NPNT: variants seen among roughly 807,000 people sequenced by gnomAD.
NPNT encodes preosteoblast EGF-like repeat protein with MAM domain.
A neutral mutation model predicts 68.6 loss-of-function variants in NPNT; 45 were observed. That is an observed-to-expected ratio of 0.66 (90% CI 0.52 to 0.84). The LOEUF (loss-of-function observed/expected upper bound fraction) is 0.84. Among genes scored for constraint, NPNT ranks in the 40% least tolerant of loss-of-function variants. The probability of loss-of-function intolerance (pLI) is 0.00; values close to 1 mark genes in which losing one functional copy is unlikely to be tolerated. For synonymous variants in NPNT, 233 were observed against 253.3 expected, an observed-to-expected ratio of 0.92 and a Z score of 0.76; for missense variants, 672 against 714.8, an observed-to-expected ratio of 0.94 and a Z score of 0.68.
chr4:105,896,069 T>G, intron 1 of NPNT: 1 of 296,764 alleles, frequency 3.4e-6, no homozygotes, highest in Non-Finnish European at 6.3e-6. Context: ...GCGCGAAACA[T>G]CCCTTACCCG....
chr4:105,920,769 C>T (rs541737007), intron 2 of NPNT, among the ~76,000 whole-genome samples: 95 of 152,162 alleles, frequency 6.2e-4, no homozygotes, highest in African/African-American at 2.2e-3. Flanking sequence ...GAGTTATTGA[C>T]AGCTCTTGGG....
intron 2 of NPNT, among the ~76,000 whole-genome samples, chr4:105,917,183 G>C (rs1355953738): frequency 6.6e-6 from 1 of 152,142 alleles, no homozygotes; most frequent in Non-Finnish European, 1.5e-5. Context: ...TATCAGTGGA[G>C]GACTGTTTCT....
intron 2 of NPNT, among the ~76,000 whole-genome samples, chr4:105,900,850 T>G (rs1330004396): frequency 6.6e-6 from 1 of 151,322 alleles, no homozygotes; most frequent in African/African-American, 2.4e-5. Flanking sequence ...TTTTTTTTTT[T>G]TTTTGATTCT....
intron 5 of NPNT, among the ~76,000 whole-genome samples, chr4:105,939,371 A>C (rs2149371861): frequency 6.6e-6 from 1 of 152,274 alleles, no homozygotes; most frequent in African/African-American, 2.4e-5. Context: ...TTTTTCAAGG[A>C]AGAAGGTCCA....
chr4:105,945,346 A>G (rs1446546676), intron 8 of NPNT, among the ~76,000 whole-genome samples: 1 of 152,018 alleles, frequency 6.6e-6, no homozygotes, highest in South Asian at 2.1e-4. Flanking sequence ...TTCAGCCCAG[A>G]CCTCTCCCCC....
In NPNT at chr4:105,900,834, G is replaced by GTT. The variant is rs765343668; in HGVS notation, c.172+2852_172+2853dup. On this transcript the variant is annotated intron_variant, in intron 2 of 11. Coordinates refer to ENST00000379987, the MANE Select transcript of NPNT (RefSeq NM_001033047.3). Reference sequence around the variant, plus strand: ...TCTTTTGTAGGTCATACCCTTGGTTGTTTTTTTTTTTTTTTTTTTTGATTC... The same window carrying GTT: ...TCTTTTGTAGGTCATACCCTTGGTTGTTTTTTTTTTTTTTTTTTTTTTGATTC... Among the ~76,000 whole-genome samples, 532 of 96,568 alleles carry GTT rather than the reference G, an allele frequency of 5.5e-3. 2 individuals carry two copies. Among genetic ancestry groups the GTT allele is most frequent in the African/African-American group, 0.02 (456 of 22,364 alleles). The allele number at this position is 96,568 out of a possible 152,430, so 63.4% of individuals were successfully genotyped here.
intron 2 of NPNT, among the ~76,000 whole-genome samples, chr4:105,926,459 A>G (rs1050378581): frequency 2.0e-5 from 3 of 151,936 alleles, no homozygotes; most frequent in South Asian, 2.1e-4. Context: ...GATGTTTAGC[A>G]GCATCCTTGG....
intron 7 of NPNT, among the ~76,000 whole-genome samples, chr4:105,941,414 T>G (rs993531953): frequency 6.6e-6 from 1 of 152,144 alleles, no homozygotes; most frequent in Non-Finnish European, 1.5e-5. Flanking sequence ...GCTTTTAAAA[T>G]TTTTATAAGT....
intron 3 of NPNT, among the ~76,000 whole-genome samples, chr4:105,931,694 G>A (rs991408716): frequency 7.0e-6 from 1 of 143,232 alleles, no homozygotes; most frequent in Non-Finnish European, 1.5e-5. Context: ...AAAAAAATTA[G>A]CCAGGCATGG....
chr4:105,945,511 C>A (rs1578657544), intron 8 of NPNT, among the ~76,000 whole-genome samples: 2 of 152,322 alleles, frequency 1.3e-5, no homozygotes, highest in African/African-American at 2.4e-5. Flanking sequence ...ACCTCTATCA[C>A]CTGTTGCTAA....
intron 3 of NPNT, among the ~76,000 whole-genome samples, chr4:105,934,288 A>G (rs1034880268): frequency 2.0e-5 from 3 of 152,236 alleles, no homozygotes; most frequent in Non-Finnish European, 4.4e-5. Flanking sequence ...CTTACTTAAT[A>G]TGGCACTAGG....
intron 4 of NPNT, 101 bp from the exon 5 acceptor site, chr4:105,938,200 G>A (rs1404136149): frequency 8.9e-7 from 1 of 1,123,402 alleles, no homozygotes; most frequent in Non-Finnish European, 1.3e-6. Context: ...CTTCATTGTT[G>A]TTCAGTGTCA....
At chr4:105,931,809 C>T (rs1331309146) in intron 3 of NPNT, among the ~76,000 whole-genome samples, 1 of 152,038 alleles carries the variant, frequency 6.6e-6, no homozygotes, top group African/African-American at 2.4e-5. Context: ...GGCTGCACTC[C>T]AGCCTGGGCA....
At chr4:105,902,957 T>C (rs1237037441) in intron 2 of NPNT, among the ~76,000 whole-genome samples, 1 of 152,146 alleles carries the variant, frequency 6.6e-6, no homozygotes, top group Non-Finnish European at 1.5e-5. Context: ...GTCTTAACCT[T>C]TATGGATTAG....
At chr4:105,934,863 A>G (rs1729388811) in intron 3 of NPNT, among the ~76,000 whole-genome samples, 2 of 152,116 alleles carry the variant, frequency 1.3e-5, no homozygotes, top group Admixed American at 1.3e-4. Flanking sequence ...CGGAAGGATA[A>G]ATTTCGGTCG....
chr4:105,956,273 T>C (rs1287271219), intron 8 of NPNT, among the ~76,000 whole-genome samples: 2 of 152,136 alleles, frequency 1.3e-5, no homozygotes, highest in Non-Finnish European at 2.9e-5. Flanking sequence ...TTCTTTGTGC[T>C]TGCTGCCTGA....
chr4:105,965,206 G>A (rs1024622364), intron 10 of NPNT, among the ~76,000 whole-genome samples: 5 of 152,126 alleles, frequency 3.3e-5, no homozygotes, highest in Non-Finnish European at 7.4e-5. Context: ...CTGAATGAAT[G>A]TTTAATATAA....
Position 105,897,890 on chromosome 4 carries a change from T to G in NPNT, c.72-11T>G, listed in dbSNP as rs745309158. 1 of 1,600,572 alleles carries G rather than the reference T, an allele frequency of 6.2e-7. No homozygotes were observed. The highest frequency in any genetic ancestry group is 1.3e-5 in the African/African-American group (1 of 74,796). On this transcript the variant is annotated splice_polypyrimidine_tract_variant and intron_variant, in intron 1 of 11. Transcript: ENST00000379987. ...GTGTCCTTATTTATTTTGAATCTTT[T>G]TTTTTGGTAGGTGGCCCAGGCAAAT...
intron 8 of NPNT, among the ~76,000 whole-genome samples, chr4:105,955,690 CT>C (rs34300696): frequency 0.097 from 14,540 of 150,322 alleles, 931 homozygotes; most frequent in African/African-American, 0.18. Flanking sequence ...CTCTTTAGTC[CT>C]TTTTTTTTGG....
Sources: allele counts gnomAD v4.1 joint callset (sites outside exome capture counted in the v4.1 genomes callset), GRCh38; gene constraint gnomAD v4.1.1; transcripts MANE v1.5; gene names NCBI Gene and HGNC (gene_info 2026-07-23, HGNC 2026-07-21).